The following MAPK10 variants were observed in gnomAD, a reference collection of about 807,000 sequenced individuals.
The protein encoded by MAPK10 is mitogen-activated protein kinase 10, also known as JNK3 alpha protein kinase.
In MAPK10, 25 loss-of-function variants were observed where a neutral mutation model predicts 59.3. The observed-to-expected ratio is 0.42, with a 90% confidence interval of 0.31 to 0.59. MAPK10 has a LOEUF of 0.59. Among genes scored for constraint, MAPK10 ranks in the 20% least tolerant of loss-of-function variants. MAPK10 has a pLI of 0.15. For missense variants in MAPK10, 351 were observed against 568.9 expected (o/e 0.62, Z 3.90); for synonymous variants, 190 against 200.5 (o/e 0.95, Z 0.44).
chr4:86,481,084 C>G (rs1242149066), intron 1 of MAPK10, among the ~76,000 whole-genome samples: 1 of 152,150 alleles, frequency 6.6e-6, no homozygotes, highest in Non-Finnish European at 1.5e-5. Context: ...TCAGACAAAG[C>G]AAGTCAGAGA....
chr4:86,232,496 C>G (rs1309570072), intron 2 of MAPK10, among the ~76,000 whole-genome samples: 1 of 152,004 alleles, frequency 6.6e-6, no homozygotes, highest in African/African-American at 2.4e-5. Flanking sequence ...GCCTCAGCCT[C>G]CCAAGTAGCT....
chr4:86,300,174 T>G (rs938127362), intron 2 of MAPK10, among the ~76,000 whole-genome samples: 1 of 152,236 alleles, frequency 6.6e-6, no homozygotes, highest in Non-Finnish European at 1.5e-5. Flanking sequence ...ATTACAGGCA[T>G]GAACCACCTC....
At chr4:86,258,474 TTAG>T (rs2093847437) in intron 2 of MAPK10, among the ~76,000 whole-genome samples, 1 of 152,202 alleles carries the variant, frequency 6.6e-6, no homozygotes, top group African/African-American at 2.4e-5. Flanking sequence ...TTCAAAATCT[TTAG>T]GAATCCATGT....
In MAPK10 at chr4:86,017,533, G is replaced by A. The variant is rs1743900222; in HGVS notation, c.1253-163C>T. Among the ~76,000 whole-genome samples, 1 of 152,128 alleles carries A rather than the reference G, an allele frequency of 6.6e-6. No homozygotes were observed. The highest frequency in any genetic ancestry group is 6.5e-5 in the Admixed American group (1 of 15,272). ...CTGACATAGGGGAGCATATCAAATG[G>A]TGACAATCAAGACATAGCAATAAAA... On this transcript the variant is annotated intron_variant, in intron 13 of 13. Coordinates refer to ENST00000641462, the MANE Select transcript of MAPK10 (RefSeq NM_138982.4). This position sits in a 1 kb window ranked among gnomAD's most constrained non-coding sequence, Gnocchi z 4.4.
chr4:86,253,460 A>G (rs1326005649), intron 2 of MAPK10, among the ~76,000 whole-genome samples: 2 of 115,462 alleles, frequency 1.7e-5, no homozygotes, highest in African/African-American at 1.1e-4. Context: ...GGCTCTGTTT[A>G]TATGCTGGAT....
At chr4:86,402,339 T>C (rs919262116) in intron 1 of MAPK10, among the ~76,000 whole-genome samples, 8 of 152,162 alleles carry the variant, frequency 5.3e-5, no homozygotes, top group African/African-American at 1.9e-4. Flanking sequence ...CATCATATCA[T>C]TTATCACCAC....
At chr4:86,550,583 C>A (rs1172083821) in intron 1 of MAPK10, among the ~76,000 whole-genome samples, 2 of 151,928 alleles carry the variant, frequency 1.3e-5, no homozygotes, top group East Asian at 3.9e-4. Flanking sequence ...CCTGAAATCC[C>A]AGCTACTCGG....
At chr4:86,239,797 A>G (rs1298550715) in intron 2 of MAPK10, among the ~76,000 whole-genome samples, 1 of 151,510 alleles carries the variant, frequency 6.6e-6, no homozygotes, top group Non-Finnish European at 1.5e-5. Flanking sequence ...TTCAAAAAAA[A>G]AAAAAACAGA....
chr4:86,461,562 A>C (rs983680156), intron 1 of MAPK10, among the ~76,000 whole-genome samples: 3 of 152,200 alleles, frequency 2.0e-5, no homozygotes, highest in Non-Finnish European at 4.4e-5. Context: ...CATCAGGGTA[A>C]CAATGGGACA....
intron 2 of MAPK10, among the ~76,000 whole-genome samples, chr4:86,241,646 G>A (rs978819007): frequency 7.2e-5 from 11 of 152,076 alleles, no homozygotes; most frequent in Admixed American, 5.9e-4. Flanking sequence ...TATGCATCAT[G>A]AAGTTCTCCT....
chr4:86,132,593 A>C (rs2061210110), intron 4 of MAPK10, among the ~76,000 whole-genome samples: 1 of 152,206 alleles, frequency 6.6e-6, no homozygotes, highest in Admixed American at 6.5e-5. Flanking sequence ...CAACCGGGCC[A>C]CACAGTAGGA....
intron 4 of MAPK10, chr4:86,107,563 A>T (rs1318919873): frequency 1.9e-5 from 22 of 1,168,650 alleles, no homozygotes; most frequent in Non-Finnish European, 2.3e-5. Context: ...GAGTTGGAGG[A>T]AGGGAAGAAG....
chr4:86,081,056 T>C (rs896084279), intron 9 of MAPK10: 5 of 152,132 alleles, frequency 3.3e-5, no homozygotes, highest in Admixed American at 2.6e-4. Flanking sequence ...AGGGTGTTCA[T>C]GGTGCAGAGA....
intron 11 of MAPK10, among the ~76,000 whole-genome samples, chr4:86,058,100 G>T (rs3775181): frequency 0.43 from 64,681 of 148,896 alleles, 16,988 homozygotes; most frequent in African/African-American, 0.61. Flanking sequence ...TACTTGCGAT[G>T]TCTTGGCAAG....
At chr4:86,110,771 T>G (rs2057352617) in intron 4 of MAPK10, among the ~76,000 whole-genome samples, 1 of 152,146 alleles carries the variant, frequency 6.6e-6, no homozygotes, top group Non-Finnish European at 1.5e-5. Context: ...CTGTGAAGAA[T>G]GTCAATGGTA....
chr4:86,458,297 CT>C (rs1751414960), intron 1 of MAPK10, among the ~76,000 whole-genome samples: 1 of 142,376 alleles, frequency 7.0e-6, no homozygotes, highest in Admixed American at 7.1e-5. Flanking sequence ...AAGACTCTGT[CT>C]CAAAAAAAAA....
intron 2 of MAPK10, among the ~76,000 whole-genome samples, chr4:86,290,855 T>C (rs1451495569): frequency 1.3e-5 from 2 of 152,176 alleles, no homozygotes; most frequent in East Asian, 3.8e-4. Flanking sequence ...AAAACTAGTA[T>C]GTAAAAGGAA....
In MAPK10 at chr4:86,014,206, T is replaced by C. The variant is rs933905923; in HGVS notation, c.*3022A>G. ...CCAACCCCAGGTAGAACCTTCACTT[T>C]TTTTCAGGAATATTGTCCAGGTGAC... On this transcript the variant is annotated 3_prime_UTR_variant, in exon 14 of 14. Transcript: ENST00000641462. 6.6e-6 allele frequency: 1 copy of C among 152,112 alleles called. No homozygotes were observed. The highest frequency in any genetic ancestry group is 1.5e-5 in the Non-Finnish European group (1 of 68,020). 9.4% of individuals were successfully genotyped at this position (152,112 alleles called of 1,614,324 possible).
In MAPK10 at chr4:86,376,106, C is replaced by G. The variant is rs778549905; in HGVS notation, c.-121-21462G>C. On this transcript the variant is annotated intron_variant, in intron 1 of 13. Coordinates refer to the MAPK10 transcript ENST00000361569. ...TAAAACTTCAGCAATCTTTCAATAA[C>G]ATCACTTGCTTCTAACATAAAGGAA... Among the ~76,000 whole-genome samples the G allele has an allele frequency of 1.3e-4, 20 of 152,284 alleles. No individual in the cohort carries two copies. The Middle Eastern group carries it at 0.01, about 78-fold the overall frequency.
Sources: allele counts gnomAD v4.1 joint callset (sites outside exome capture counted in the v4.1 genomes callset), GRCh38; gene constraint gnomAD v4.1.1; non-coding constraint Gnocchi (gnomAD v3.1); transcripts MANE v1.5; gene names NCBI Gene and HGNC (gene_info 2026-07-23, HGNC 2026-07-21).